KIF23: variants seen among roughly 807,000 people sequenced by gnomAD.
KIF23 encodes the protein kinesin family member 23.
In KIF23, 30 loss-of-function variants were observed where a neutral mutation model predicts 137.5. That is an observed-to-expected ratio of 0.22 (90% CI 0.16 to 0.30). The LOEUF is 0.30. Among genes scored for constraint, KIF23 ranks in the 10% least tolerant of loss-of-function variants. KIF23 has a pLI of 1.00. For synonymous variants in KIF23, 367 were observed against 391.1 expected (o/e 0.94, Z 0.73); for missense variants, 920 against 1,194.3 (o/e 0.77, Z 3.38).
chr15:69,417,104 CTAT>C (rs1390849795), intron 2 of KIF23, among the ~76,000 whole-genome samples: 2 of 152,140 alleles, frequency 1.3e-5, no homozygotes, highest in African/African-American at 2.4e-5. Flanking sequence ...AGTAGTATAA[CTAT>C]TATTTGTGTA....
At chr15:69,422,499 C>A in intron 6 of KIF23, 64 bp downstream of exon 6, 1 of 925,814 alleles carries the variant, frequency 1.1e-6, no homozygotes, top group Non-Finnish European at 1.8e-6. Context: ...TGTGGTTTGC[C>A]CAGACATGAG....
At chr15:69,436,764 T>A (rs777498671) in intron 15 of KIF23, 42 bp downstream of exon 15, 10 of 1,322,330 alleles carry the variant, frequency 7.6e-6, no homozygotes, top group South Asian at 7.0e-5. Flanking sequence ...TTAATTATTT[T>A]TTTTTTTTGA....
intron 6 of KIF23, among the ~76,000 whole-genome samples, chr15:69,422,728 T>G (rs142878352): frequency 1.4e-4 from 22 of 152,286 alleles, no homozygotes; most frequent in Non-Finnish European, 1.0e-4. Context: ...TGAGTATGAA[T>G]AAAGCTGCTT....
chr15:69,427,256 A>G (rs993814721), intron 10 of KIF23: 4 of 350,952 alleles, frequency 1.1e-5, no homozygotes, highest in African/African-American at 8.5e-5. Context: ...GGAATTTGGT[A>G]TCTGTGAAAT....
In KIF23 at chr15:69,416,080, A is replaced by T. The variant is rs1274957608; in HGVS notation, c.81+17A>T. ...CCAGTTGGGGTAAGGTATCCCTGTA[A>T]ATTTATGTGTGGTGTTTAAGAAACT... On this transcript the variant is annotated intron_variant, in intron 2 of 23. Coordinates refer to ENST00000679126, the MANE Select transcript of KIF23 (RefSeq NM_001367805.3). 6.5e-7 allele frequency: 1 copy of T among 1,528,256 alleles called. No homozygotes were observed. Among genetic ancestry groups the T allele is most frequent in the Non-Finnish European group, 8.8e-7 (1 of 1,138,104 alleles). 94.7% of individuals were successfully genotyped at this position (1,528,256 alleles called of 1,614,324 possible). A position where few individuals can be genotyped will look rare whatever the true frequency, so the allele number is the denominator to read the frequency against.
intron 19 of KIF23, among the ~76,000 whole-genome samples, chr15:69,443,443 A>ATCGT (rs1304177486): frequency 7.3e-6 from 1 of 137,662 alleles, no homozygotes; most frequent in Non-Finnish European, 1.5e-5. Flanking sequence ...GGCTCAAGTG[A>ATCGT]TCGTTCTACC....
intron 11 of KIF23, chr15:69,435,119 C>T: frequency 2.1e-6 from 1 of 472,266 alleles, no homozygotes; most frequent in Non-Finnish European, 3.8e-6. Context: ...CGCCATGATT[C>T]CTGTCAATTG....
chr15:69,436,384 A>G, intron 14 of KIF23, 123 bp downstream of exon 14: 1 of 1,336,032 alleles, frequency 7.5e-7, no homozygotes, highest in Non-Finnish European at 1.0e-6. Flanking sequence ...GCACATAATA[A>G]TTTGAACAAA....
At chr15:69,415,484 T>A (rs2056876586) in intron 1 of KIF23, among the ~76,000 whole-genome samples, 1 of 152,190 alleles carries the variant, frequency 6.6e-6, no homozygotes, top group Non-Finnish European at 1.5e-5. Context: ...TTGCCCCTAC[T>A]TAAGAAACCA....
rs1313909421 is a variant in KIF23, at chr15:69,448,069, A to G, written c.*262A>G. The G allele has an allele frequency of 3.0e-5, 9 of 297,568 alleles. No individual in the cohort carries two copies. The highest frequency in any genetic ancestry group is 5.5e-5 in the Non-Finnish European group (9 of 162,694). The allele number at this position is 297,568 out of a possible 1,614,324, so 18.4% of individuals were successfully genotyped here. ...GGAAGACTCCTTTTTTCATCACTGTATGAATTTTTTATAATGTTTTTTTAA... is the reference window on the plus strand; with the variant it reads ...GGAAGACTCCTTTTTTCATCACTGTGTGAATTTTTTATAATGTTTTTTTAA... On this transcript the variant is annotated 3_prime_UTR_variant, in exon 24 of 24. Transcript: ENST00000679126.
rs780047191 is a variant in KIF23, at chr15:69,446,344, T to C, written c.2818T>C (p.Trp940Arg). Residue 940 changes from tryptophan (W) to arginine (R), a missense_variant, in exon 22 of 24, where the codon TGG (tryptophan) becomes CGG (arginine). Physicochemically the swap from Trp to Arg is moderately radical, Grantham distance 101. Transcript: ENST00000679126. ...PAQPDGAESE[W>R]TDVETRCSVA... Reference sequence around the variant, plus strand: ...CCAACCAGATGGTGCAGAGTCTGAATGGACCGATGTAGAAACAAGGGTAGG... The same window carrying C: ...CCAACCAGATGGTGCAGAGTCTGAACGGACCGATGTAGAAACAAGGGTAGG... 1.2e-6 allele frequency: 2 copies of C among 1,613,948 alleles called. No individual in the cohort carries two copies. Among genetic ancestry groups the C allele is most frequent in the African/African-American group, 1.3e-5 (1 of 74,948 alleles).
intron 2 of KIF23, among the ~76,000 whole-genome samples, 194 bp from the exon 3 acceptor site, chr15:69,417,189 A>C (rs965783343): frequency 2.0e-5 from 3 of 152,218 alleles, no homozygotes; most frequent in Non-Finnish European, 4.4e-5. Flanking sequence ...TATTTAAAGT[A>C]TTCTCATATC....
At chr15:69,440,128 C>A in intron 17 of KIF23, 51 bp downstream of exon 17, 1 of 1,581,764 alleles carries the variant, frequency 6.3e-7, no homozygotes. Flanking sequence ...ATTTATTTTA[C>A]ATTGTAGTTA....
intron 20 of KIF23, 60 bp from the exon 21 acceptor site, chr15:69,445,949 A>G: frequency 3.6e-6 from 4 of 1,113,490 alleles, no homozygotes; most frequent in South Asian, 2.6e-5. Flanking sequence ...TGAAATATAT[A>G]TGTGTGTTTT....
At position 69,441,061 on chromosome 15, in the gene KIF23, A is replaced by C; in HGVS notation, c.2403A>C (p.Glu801Asp). Residue 801 changes from glutamate to aspartate, a missense_variant, in exon 19 of 24, where the codon GAA becomes GAC. Glu to Asp is a conservative substitution (Grantham distance 45). This residue lies in a region of KIF23 where 714 missense variants were observed against 866.2 expected (regional missense o/e 0.82). Coordinates refer to ENST00000679126, the MANE Select transcript of KIF23 (RefSeq NM_001367805.3). Reference sequence around the variant, plus strand: ...CATTCAGAAATGAGATAGAAATAGAAGAGGATCATTGCGGCAGGGTTAGTG... The same window carrying C: ...CATTCAGAAATGAGATAGAAATAGACGAGGATCATTGCGGCAGGGTTAGTG... Reference protein sequence around the residue: ...VPTFRNEIEIEEDHCGRLLFQ... With the variant: ...VPTFRNEIEIDEDHCGRLLFQ... The C allele has an allele frequency of 1.2e-6, 2 of 1,612,148 alleles. No individual in the cohort carries two copies. Among genetic ancestry groups the C allele is most frequent in the Non-Finnish European group, 1.7e-6 (2 of 1,178,364 alleles).
chr15:69,435,961 C>G (rs1264362095), intron 13 of KIF23, among the ~76,000 whole-genome samples, 177 bp from the exon 14 acceptor site: 2 of 152,106 alleles, frequency 1.3e-5, no homozygotes, highest in Non-Finnish European at 2.9e-5. Flanking sequence ...GTGGGACGAT[C>G]AATTGGGCCC....
At chr15:69,421,478 C>T (rs1362139221) in intron 3 of KIF23, among the ~76,000 whole-genome samples, 169 bp from the exon 4 acceptor site, 1 of 152,140 alleles carries the variant, frequency 6.6e-6, no homozygotes, top group Non-Finnish European at 1.5e-5. Flanking sequence ...TATGTCATGA[C>T]TTTTTAGTAA....
At position 69,435,468 on chromosome 15, in the gene KIF23, AT is replaced by A; in HGVS notation, c.1115-8del. 2 of 1,604,830 alleles carry A rather than the reference AT, an allele frequency of 1.2e-6. No individual in the cohort carries two copies. Among genetic ancestry groups the A allele is most frequent in the Admixed American group, 1.7e-5 (1 of 59,624 alleles). Reference sequence around the variant, plus strand: ...TGTTGTTCTGAAATGGCGTCTATGTATTTTTTTCTGTCAGGTAATATTAATC... The same window carrying A: ...TGTTGTTCTGAAATGGCGTCTATGTATTTTTTCTGTCAGGTAATATTAATC... On this transcript the variant is annotated splice_polypyrimidine_tract_variant and intron_variant, in intron 11 of 23. Transcript: ENST00000679126.
At chr15:69,433,592 G>A (rs1256557912) in intron 11 of KIF23, among the ~76,000 whole-genome samples, 1 of 152,064 alleles carries the variant, frequency 6.6e-6, no homozygotes, top group East Asian at 1.9e-4. Flanking sequence ...TATCTGAGCT[G>A]GAATGATTTC....
Sources: allele counts gnomAD v4.1 joint callset (sites outside exome capture counted in the v4.1 genomes callset), GRCh38; gene constraint gnomAD v4.1.1; regional missense constraint gnomAD v4.1.1; transcripts MANE v1.5; gene names NCBI Gene and HGNC (gene_info 2026-07-23, HGNC 2026-07-21).